Variants in ADGRL2 observed in about 807,000 individuals in gnomAD.
ADGRL2 encodes adhesion G protein-coupled receptor L2.
Under a neutral mutation model 157.4 loss-of-function variants are expected in ADGRL2, and 44 were observed. That is an observed-to-expected ratio of 0.28 (90% confidence interval 0.22 to 0.36). The LOEUF is 0.36. Among genes scored for constraint, ADGRL2 ranks in the 10% least tolerant of loss-of-function variants. The pLI, the probability that ADGRL2 is intolerant of heterozygous loss-of-function variation, is 1.00. For synonymous variants in ADGRL2, 585 were observed against 624.7 expected, an observed-to-expected ratio of 0.94 and a Z score of 0.95; for missense variants, 1,510 against 1,768.9, an observed-to-expected ratio of 0.85 and a Z score of 2.63.
intron 2 of ADGRL2, among the ~76,000 whole-genome samples, chr1:81,471,178 T>C (rs1461481218): frequency 6.6e-6 from 1 of 152,170 alleles, no homozygotes; most frequent in African/African-American, 2.4e-5. Context: ...CCTTAGTAAA[T>C]CTACCACCAA....
intron 17 of ADGRL2, among the ~76,000 whole-genome samples, chr1:81,979,528 T>C (rs1046818839): frequency 6.6e-6 from 1 of 151,840 alleles, no homozygotes; most frequent in Non-Finnish European, 1.5e-5. Context: ...GTACATTATG[T>C]AAATGCTCCT....
intron 3 of ADGRL2, among the ~76,000 whole-genome samples, chr1:81,653,715 T>C (rs909562166): frequency 6.6e-6 from 1 of 152,190 alleles, no homozygotes; most frequent in Admixed American, 6.5e-5. Context: ...TTTGTAAATA[T>C]ATGTGTGCAT....
intron 2 of ADGRL2, among the ~76,000 whole-genome samples, chr1:81,491,150 A>G (rs1220446744): frequency 1.3e-5 from 2 of 150,246 alleles, no homozygotes; most frequent in African/African-American, 5.0e-5. Flanking sequence ...CTTCTGCTAC[A>G]TGAAACGTAG....
chr1:81,981,189 A>C (rs1258302564), intron 18 of ADGRL2: 7 of 331,522 alleles, frequency 2.1e-5, no homozygotes, highest in African/African-American at 1.6e-4. Flanking sequence ...ACTGACTTTA[A>C]ATCCTTCTCA....
intron 2 of ADGRL2, among the ~76,000 whole-genome samples, chr1:81,493,026 G>C (rs1482230429): frequency 6.6e-6 from 1 of 152,096 alleles, no homozygotes; most frequent in East Asian, 1.9e-4. Context: ...GTAAGTGATA[G>C]ACAAAACCTG....
intron 2 of ADGRL2, chr1:81,513,750 CT>C: frequency 6.6e-6 from 1 of 152,282 alleles, no homozygotes; most frequent in Non-Finnish European, 1.5e-5. Flanking sequence ...AACCAATTCC[CT>C]TGACTGAATC....
chr1:81,661,229 G>C (rs986730583), intron 3 of ADGRL2, among the ~76,000 whole-genome samples: 1 of 152,046 alleles, frequency 6.6e-6, no homozygotes, highest in Non-Finnish European at 1.5e-5. Flanking sequence ...AAATTAACAA[G>C]TGATACTATC....
At chr1:81,975,292 G>A (rs1333395787) in intron 17 of ADGRL2, among the ~76,000 whole-genome samples, 1 of 152,094 alleles carries the variant, frequency 6.6e-6, no homozygotes, top group Non-Finnish European at 1.5e-5. Context: ...TTAGACAAAT[G>A]TTTGTGTGCG....
chr1:81,959,108 C>A (rs1317604364), intron 11 of ADGRL2, among the ~76,000 whole-genome samples: 1 of 152,092 alleles, frequency 6.6e-6, no homozygotes, highest in Non-Finnish European at 1.5e-5. Flanking sequence ...AGTGGTTGTA[C>A]CATATTAAAC....
chr1:81,739,358 C>T (rs1374796836), intron 1 of ADGRL2, among the ~76,000 whole-genome samples: 5 of 152,118 alleles, frequency 3.3e-5, no homozygotes, highest in Non-Finnish European at 1.5e-5. Context: ...TACATGTATG[C>T]ATCTACAACA....
rs565046840 is a variant in ADGRL2, at chr1:81,956,341, A to AT, written c.2017+287dup. Among the ~76,000 whole-genome samples the AT allele has an allele frequency of 3.9e-3, 587 of 152,356 alleles. 5 individuals are homozygous for AT. The highest frequency in any genetic ancestry group is 0.022 in the South Asian group (107 of 4,830). On this transcript the variant is annotated intron_variant, in intron 11 of 23. Transcript: ENST00000686636. Reference sequence around the variant, plus strand: ...AGAGTGCCTAAATACCAGAATGTAGATTTTTTAAGTAATGAAAGTACTTGC... The same window carrying AT: ...AGAGTGCCTAAATACCAGAATGTAGATTTTTTTAAGTAATGAAAGTACTTGC...
chr1:81,790,343 T>C (rs967772870), intron 2 of ADGRL2, among the ~76,000 whole-genome samples: 4 of 152,194 alleles, frequency 2.6e-5, no homozygotes, highest in African/African-American at 7.2e-5. Flanking sequence ...ACAATTTGTC[T>C]ACATTTTTGT....
chr1:81,409,250 A>G (rs2076909360), intron 1 of ADGRL2, among the ~76,000 whole-genome samples: 1 of 150,862 alleles, frequency 6.6e-6, no homozygotes, highest in African/African-American at 2.4e-5. Context: ...AAATAAAAGG[A>G]GAATATAAAG....
intron 3 of ADGRL2, among the ~76,000 whole-genome samples, chr1:81,613,917 A>G (rs775716913): frequency 9.9e-5 from 15 of 152,242 alleles, no homozygotes; most frequent in Non-Finnish European, 1.8e-4. Flanking sequence ...TAAATTCTTT[A>G]TATCCTTTTG....
chr1:81,955,843 G>A lies in ADGRL2; in HGVS notation c.1834-34G>A. 4 of 1,442,384 alleles carry A rather than the reference G, an allele frequency of 2.8e-6. No individual in the cohort carries two copies. In the South Asian group the frequency reaches 4.1e-5, roughly 15 times the overall value. The allele number at this position is 1,442,384 out of a possible 1,614,324, so 89.3% of individuals were successfully genotyped here. ...GAAAATCACTTTGGTTCTAAAAGCG[G>A]TCAAAACTAATGATAGTTTTCTAAT... On this transcript the variant is annotated intron_variant, in intron 10 of 23. Coordinates refer to ENST00000686636, the MANE Select transcript of ADGRL2 (RefSeq NM_001366006.2).
chr1:81,512,096 T>C (rs1281472504), intron 2 of ADGRL2, among the ~76,000 whole-genome samples: 2 of 152,168 alleles, frequency 1.3e-5, no homozygotes, highest in Non-Finnish European at 2.9e-5. Flanking sequence ...CATTTTAATA[T>C]GTGAGCCTGT....
intron 2 of ADGRL2, among the ~76,000 whole-genome samples, chr1:81,456,398 T>TTAG (rs1335156694): frequency 6.6e-6 from 1 of 151,802 alleles, no homozygotes; most frequent in Non-Finnish European, 1.5e-5. Context: ...TTTTTAATTT[T>TTAG]TATTATTATT....
chr1:81,941,515 A>G (rs1647995845), intron 4 of ADGRL2, among the ~76,000 whole-genome samples: 1 of 151,768 alleles, frequency 6.6e-6, no homozygotes, highest in African/African-American at 2.4e-5. Context: ...TCAGAATTAA[A>G]TTTGATCTAA....
chr1:81,669,429 G>A (rs542640), intron 3 of ADGRL2, among the ~76,000 whole-genome samples: 472 of 151,798 alleles, frequency 3.1e-3, no homozygotes, highest in Non-Finnish European at 5.0e-3. Flanking sequence ...TAAAAACAAA[G>A]ACTATGGGAG....
Sources: allele counts gnomAD v4.1 joint callset (sites outside exome capture counted in the v4.1 genomes callset), GRCh38; gene constraint gnomAD v4.1.1; transcripts MANE v1.5; gene names NCBI Gene and HGNC (gene_info 2026-07-23, HGNC 2026-07-21).